MLIP: variants seen among roughly 807,000 people sequenced by gnomAD.
The protein encoded by MLIP is muscular LMNA interacting protein.
MLIP carries 79 observed loss-of-function variants against 84.8 expected under a neutral mutation model. That is an observed-to-expected ratio of 0.93 (90% CI 0.78 to 1.12). The LOEUF is 1.12. MLIP is among the 50% of genes most tolerant of loss of function. The pLI is 0.00. For synonymous variants in MLIP, 504 were observed against 463.0 expected, an observed-to-expected ratio of 1.09 and a Z score of -1.14; for missense variants, 1,257 against 1,160.6, an observed-to-expected ratio of 1.08 and a Z score of -1.21.
chr6:54,257,699 A>G (rs552167152), intron 13 of MLIP, among the ~76,000 whole-genome samples: 309 of 152,194 alleles, frequency 2.0e-3, no homozygotes, highest in African/African-American at 6.4e-3. Flanking sequence ...TGGATGTCCC[A>G]TAATCCATAT....
In MLIP at chr6:54,136,706, T is replaced by C; in HGVS notation, c.646-9T>C. 5 of 1,461,454 alleles carry C rather than the reference T, an allele frequency of 3.4e-6. No individual in the cohort carries two copies. Among genetic ancestry groups the C allele is most frequent in the Non-Finnish European group, 4.5e-6 (5 of 1,106,104 alleles). The allele number at this position is 1,461,454 out of a possible 1,614,324, so 90.5% of individuals were successfully genotyped here. A position where few individuals can be genotyped will look rare whatever the true frequency, so the allele number is the denominator to read the frequency against. ...CCTATTTCAATCTGTCTATTTCTCT[T>C]TCCTCTAGTTAACTTCTTCTCCCAC... On this transcript the variant is annotated splice_polypyrimidine_tract_variant and intron_variant, in intron 3 of 13. Coordinates refer to ENST00000502396, the MANE Select transcript of MLIP (RefSeq NM_001281747.2).
At chr6:54,106,565 A>AG (rs1218030394), upstream of MLIP, among the ~76,000 whole-genome samples, 1 of 152,196 alleles carries the variant, frequency 6.6e-6, no homozygotes, top group Non-Finnish European at 1.5e-5. Flanking sequence ...TTTATTTTGA[A>AG]GGGACAGCCA....
rs866511443 is a variant in MLIP at position 54,130,002 on chromosome 6, C to T, written c.645+5137C>T. ...AAATAACTTTTCTCCAGTGATCTTC[C>T]CACTGCTACCTCTCCATTTCGTTTC... On this transcript the variant is annotated intron_variant, in intron 3 of 13. Transcript: ENST00000502396. 5.9e-5 allele frequency among the ~76,000 whole-genome samples: 9 copies of T among 152,114 alleles called. No homozygotes were observed. The South Asian group carries it at 1.9e-3, about 32-fold the overall frequency.
chr6:54,153,254 C>T (rs866679368), intron 5 of MLIP, among the ~76,000 whole-genome samples: 3 of 151,924 alleles, frequency 2.0e-5, no homozygotes, highest in Non-Finnish European at 2.9e-5. Flanking sequence ...ATAAAAACGA[C>T]GGCATAAAAA....
chr6:54,230,725 C>T lies in MLIP; in HGVS notation c.2730C>T (p.Val910=). The change falls in exon 12 of 14, where the codon GTC becomes GTT. Residue 910 remains valine, a synonymous_variant. Transcript: ENST00000502396. The part of the protein sequence containing the change: ...SDLFSEQDVT[V]PPKPVSLHPL... ...TTCTTCCCCACCAGGATGTAACAGTCCCTCCCAAGCCTGTCTCGCTCCATC... is the reference window on the plus strand; with the variant it reads ...TTCTTCCCCACCAGGATGTAACAGTTCCTCCCAAGCCTGTCTCGCTCCATC... 12 of 1,613,914 alleles carry T rather than the reference C, an allele frequency of 7.4e-6. No individual in the cohort carries two copies. Among genetic ancestry groups the T allele is most frequent in the Non-Finnish European group, 1.0e-5 (12 of 1,179,906 alleles).
intron 11 of MLIP, among the ~76,000 whole-genome samples, chr6:54,214,329 G>A (rs532991906): frequency 6.6e-6 from 1 of 152,210 alleles, no homozygotes; most frequent in Non-Finnish European, 1.5e-5. Flanking sequence ...TTGTGAATTG[G>A]TCCATTTATT....
chr6:54,137,996 T>C lies in MLIP; in HGVS notation c.1927T>C (p.Ser643Pro). 3 of 1,536,124 alleles carry C rather than the reference T, an allele frequency of 2.0e-6. No homozygotes were observed. The highest frequency in any genetic ancestry group is 2.6e-6 in the Non-Finnish European group (3 of 1,146,880). Residue 643 changes from serine to proline, a missense_variant, in exon 4 of 14, where the codon TCA becomes CCA. By Grantham distance (74) the Ser-to-Pro change is moderately conservative. Transcript: ENST00000502396. The stretch of plus-strand genomic sequence containing the variant: ...GGAGCTGAATCCTTCAGCTCTTCCT[T>C]CACTCCCTGTCTCCAGTGCTGACTT... ...GQELNPSALP[S>P]LPVSSADFAS...
intron 1 of MLIP, among the ~76,000 whole-genome samples, chr6:54,092,694 T>C (rs1329585922): frequency 1.3e-5 from 2 of 152,032 alleles, no homozygotes; most frequent in South Asian, 2.1e-4. Flanking sequence ...AATATTTAAA[T>C]GGTTTTAATA....
intron 1 of MLIP, among the ~76,000 whole-genome samples, chr6:54,076,033 T>C (rs1168624080): frequency 6.8e-6 from 1 of 147,716 alleles, no homozygotes; most frequent in African/African-American, 2.4e-5. Flanking sequence ...TTAACACTGT[T>C]GTTCAATATT....
chr6:54,257,462 T>G (rs1783085599), intron 13 of MLIP, 101 bp downstream of exon 13: 1 of 858,040 alleles, frequency 1.2e-6, no homozygotes, highest in Non-Finnish European at 1.8e-6. Context: ...TGTGCTTTTA[T>G]AACAAAAGAA....
At chr6:54,093,900 G>T (rs1768032573) in intron 1 of MLIP, among the ~76,000 whole-genome samples, 1 of 152,084 alleles carries the variant, frequency 6.6e-6, no homozygotes, top group Non-Finnish European at 1.5e-5. Flanking sequence ...TTTACTTTCT[G>T]GCCCCTTACA....
chr6:54,217,014 A>G, intron 11 of MLIP: 1 of 985,448 alleles, frequency 1.0e-6, no homozygotes, highest in African/African-American at 1.7e-5. Context: ...CTGATTTTAA[A>G]CTGCTGTAAG....
intron 13 of MLIP, among the ~76,000 whole-genome samples, chr6:54,265,361 A>G (rs1214704521): frequency 6.6e-6 from 1 of 152,124 alleles, no homozygotes; most frequent in Admixed American, 6.6e-5. Context: ...TCATATAGGA[A>G]CAGAGAGACT....
intron 1 of MLIP, among the ~76,000 whole-genome samples, chr6:54,023,247 A>G (rs1413162803): frequency 1.3e-5 from 2 of 151,664 alleles, no homozygotes; most frequent in East Asian, 3.9e-4. Context: ...GAGACTTGGT[A>G]CAATCAAATC....
chr6:54,104,595 C>T (rs1376834295), intron 1 of MLIP, among the ~76,000 whole-genome samples: 1 of 151,938 alleles, frequency 6.6e-6, no homozygotes, highest in East Asian at 1.9e-4. Context: ...AAATATATAC[C>T]ACCTTCCTTC....
rs963781711 is a variant in MLIP, at chr6:54,037,962, A to G, written c.63+18871A>G. 2.0e-5 allele frequency among the ~76,000 whole-genome samples: 3 copies of G among 151,940 alleles called. No individual in the cohort carries two copies. The East Asian group carries it at 5.8e-4, about 29-fold the overall frequency. ...ACTGATGATATTTTTGTGATTTAAT[A>G]TGAGATTAAATAACAAAATCGTCTA... On this transcript the variant is annotated intron_variant, in intron 1 of 12. Transcript: ENST00000274897.
chr6:54,136,878 T>C lies in MLIP; in HGVS notation c.809T>C (p.Val270Ala). 1 of 1,535,490 alleles carries C rather than the reference T, an allele frequency of 6.5e-7. No individual in the cohort carries two copies. Among genetic ancestry groups the C allele is most frequent in the South Asian group, 1.2e-5 (1 of 84,036 alleles). The change falls in exon 4 of 14, where the codon GTG becomes GCG. Residue 270 changes from valine to alanine, a missense_variant. Transcript: ENST00000502396. ...AGGAGGCTGGATGTCGGTGGGGCCGTGGTGGAAGAATCAGCTACGTATTTT... is the reference window on the plus strand; with the variant it reads ...AGGAGGCTGGATGTCGGTGGGGCCGCGGTGGAAGAATCAGCTACGTATTTT... Reference protein sequence around the residue: ...HTRRLDVGGAVVEESATYFQT... With the variant: ...HTRRLDVGGAAVEESATYFQT...
chr6:54,180,644 G>T (rs914512803), intron 9 of MLIP, among the ~76,000 whole-genome samples: 1 of 152,078 alleles, frequency 6.6e-6, no homozygotes, highest in African/African-American at 2.4e-5. Context: ...TCTGCAGTAT[G>T]CCAATTGCAT....
chr6:54,243,462 A>G (rs1781874029), intron 12 of MLIP, among the ~76,000 whole-genome samples: 1 of 152,194 alleles, frequency 6.6e-6, no homozygotes, highest in Non-Finnish European at 1.5e-5. Context: ...CTGGGGGGAA[A>G]AAGCAGGGAG....
Sources: allele counts gnomAD v4.1 joint callset (sites outside exome capture counted in the v4.1 genomes callset), GRCh38; gene constraint gnomAD v4.1.1; transcripts MANE v1.5; gene names NCBI Gene and HGNC (gene_info 2026-07-23, HGNC 2026-07-21).